KIF6: variants seen among roughly 807,000 people sequenced by gnomAD.
The protein encoded by KIF6 is kinesin-like protein KIF6.
Under a neutral mutation model 112.7 loss-of-function variants are expected in KIF6, and 106 were observed. That is an observed-to-expected ratio of 0.94 (90% confidence interval 0.80 to 1.11). The LOEUF (loss-of-function observed/expected upper bound fraction) is 1.11. Ranked by LOEUF, KIF6 falls within the 50% of genes least tolerant of loss-of-function variation. The pLI is 0.00. For synonymous variants in KIF6, 339 were observed against 339.9 expected (o/e 1.00, Z 0.03); for missense variants, 929 against 964.0 (o/e 0.96, Z 0.48).
rs1763817781 is a variant in KIF6 at position 39,346,488 on chromosome 6, C to T, written c.2219G>A (p.Arg740Lys). 1 of 715,618 alleles carries T rather than the reference C, an allele frequency of 1.4e-6. No individual in the cohort carries two copies. The highest frequency in any genetic ancestry group is 1.7e-5 in the African/African-American group (1 of 57,184). The allele number at this position is 715,618 out of a possible 1,614,324, so 44.3% of individuals were successfully genotyped here. Residue 740 changes from arginine to lysine, a missense_variant, in exon 20 of 23, where the codon AGA becomes AAA. By Grantham distance (26) the Arg-to-Lys change is conservative. Transcript: ENST00000287152. Reference protein sequence around the residue: ...GWEVQDQGTGRFDVCDVNARK... With the variant: ...GWEVQDQGTGKFDVCDVNARK... The stretch of plus-strand genomic sequence containing the variant: ...AGGGGGTCCTCACCAGACATCGAAT[C>T]TGCCAGTGCCTTGATCTTGGACTTC...
At chr6:39,344,472 G>A (rs578077899) in intron 21 of KIF6, among the ~76,000 whole-genome samples, 5 of 152,226 alleles carry the variant, frequency 3.3e-5, no homozygotes, top group Non-Finnish European at 7.4e-5. Flanking sequence ...ATGACCCCGG[G>A]TCAGGGGCTC....
At chr6:39,542,176 T>C (rs1778823937) in intron 12 of KIF6, among the ~76,000 whole-genome samples, 1 of 152,158 alleles carries the variant, frequency 6.6e-6, no homozygotes, top group Non-Finnish European at 1.5e-5. Flanking sequence ...AAGACTTTAA[T>C]GAGAATAATG....
At chr6:39,474,911 T>C (rs747952882) in intron 13 of KIF6, among the ~76,000 whole-genome samples, 5 of 152,276 alleles carry the variant, frequency 3.3e-5, no homozygotes, top group African/African-American at 4.8e-5. Flanking sequence ...CATTTATTCC[T>C]GTATGGATTT....
chr6:39,534,317 A>G (rs967291633), intron 13 of KIF6, among the ~76,000 whole-genome samples: 1 of 152,222 alleles, frequency 6.6e-6, no homozygotes, highest in Non-Finnish European at 1.5e-5. Context: ...ACTTTGAAAA[A>G]AATTTAGAAG....
intron 13 of KIF6, among the ~76,000 whole-genome samples, chr6:39,480,568 T>C (rs528643747): frequency 6.6e-6 from 1 of 152,316 alleles, no homozygotes; most frequent in Admixed American, 6.5e-5. Context: ...GATGCTGGCT[T>C]CACAGAATGA....
intron 10 of KIF6, among the ~76,000 whole-genome samples, chr6:39,564,683 G>A (rs1329644268): frequency 1.3e-5 from 2 of 152,304 alleles, no homozygotes; most frequent in Middle Eastern, 3.4e-3. Context: ...TTTTATCTTG[G>A]TGTGCTTTTG....
At chr6:39,724,452 C>CAAAAA (rs33912709) in intron 1 of KIF6, among the ~76,000 whole-genome samples, 2 of 90,540 alleles carry the variant, frequency 2.2e-5, no homozygotes, top group African/African-American at 4.0e-5. Context: ...GACTCCGTCT[C>CAAAAA]AAAAAAAAAA....
intron 13 of KIF6, among the ~76,000 whole-genome samples, chr6:39,515,768 G>C (rs1427433757): frequency 6.6e-6 from 1 of 152,128 alleles, no homozygotes; most frequent in Non-Finnish European, 1.5e-5. Flanking sequence ...ATACTCAGCA[G>C]AACAGAGGAA....
chr6:39,646,879 G>A (rs1785196533), intron 3 of KIF6, among the ~76,000 whole-genome samples: 1 of 152,034 alleles, frequency 6.6e-6, no homozygotes, highest in African/African-American at 2.4e-5. Flanking sequence ...GTGAAACTCA[G>A]TTATTTTGAA....
intron 3 of KIF6, among the ~76,000 whole-genome samples, chr6:39,693,074 C>T (rs542209251): frequency 2.0e-5 from 3 of 152,290 alleles, no homozygotes; most frequent in East Asian, 1.9e-4. Context: ...CGTACAGCTG[C>T]GCTGCCCAGA....
intron 10 of KIF6, among the ~76,000 whole-genome samples, chr6:39,564,540 A>G (rs1168536007): frequency 2.6e-5 from 4 of 152,196 alleles, no homozygotes; most frequent in South Asian, 2.1e-4. Flanking sequence ...CTTTTTGCCT[A>G]TAAGGATATA....
At chr6:39,568,127 A>C (rs1780414428) in intron 10 of KIF6, among the ~76,000 whole-genome samples, 1 of 152,228 alleles carries the variant, frequency 6.6e-6, no homozygotes, top group Non-Finnish European at 1.5e-5. Flanking sequence ...CAACTCAGAC[A>C]ACGTCCTGGT....
intron 9 of KIF6, among the ~76,000 whole-genome samples, chr6:39,581,193 G>C (rs1462544415): frequency 2.0e-5 from 2 of 97,914 alleles, no homozygotes; most frequent in African/African-American, 3.8e-5. Flanking sequence ...TTGACACAGA[G>C]TTTTGCTCTT....
intron 15 of KIF6, among the ~76,000 whole-genome samples, chr6:39,390,868 T>A (rs1330505353): frequency 1.3e-5 from 2 of 152,196 alleles, no homozygotes; most frequent in Non-Finnish European, 2.9e-5. Context: ...AGGATCATGA[T>A]AACCAAAAGG....
Position 39,596,195 on chromosome 6 carries a change from T to A in KIF6, c.705A>T (p.Glu235Asp), listed in dbSNP as rs765757861. 9 of 1,613,952 alleles carry A rather than the reference T, an allele frequency of 5.6e-6. No homozygotes were observed. Among genetic ancestry groups the A allele is most frequent in the Non-Finnish European group, 6.8e-6 (8 of 1,179,984 alleles). Residue 235 changes from glutamate (E) to aspartate (D), a missense_variant, in exon 7 of 23, where the codon GAA (glutamate) becomes GAT (aspartate). Glu to Asp is a conservative substitution (Grantham distance 45). Transcript: ENST00000287152. ...CIFTIHLSSK[E>D]PGSATVRHAK... ...CATGTCGTACAGTTGCAGATCCTGG[T>A]TCCTTGCTTGACAAATGAATGGTGA... is the stretch of plus-strand genomic sequence containing the variant.
rs557464189 is a variant in KIF6 at position 39,468,140 on chromosome 6, T to C, written c.1646-36979A>G. On this transcript the variant is annotated intron_variant, in intron 13 of 22. Coordinates refer to ENST00000287152, the MANE Select transcript of KIF6 (RefSeq NM_145027.6). ...ACAGAAGAATTAGTGAACCTGAAGA[T>C]AGATCATTAGAGATTACATACTCTG... 1.8e-4 allele frequency among the ~76,000 whole-genome samples: 27 copies of C among 151,084 alleles called. 1 individual carries two copies. The South Asian group carries it at 3.1e-3, about 18-fold the overall frequency.
intron 3 of KIF6, among the ~76,000 whole-genome samples, chr6:39,661,556 G>A (rs1329073493): frequency 3.3e-5 from 5 of 151,974 alleles, no homozygotes; most frequent in Non-Finnish European, 5.9e-5. Flanking sequence ...CCCCAAGAAT[G>A]TAAGCATCCC....
chr6:39,501,788 G>T (rs143954339), intron 13 of KIF6, among the ~76,000 whole-genome samples: 15 of 152,282 alleles, frequency 9.9e-5, no homozygotes, highest in African/African-American at 3.6e-4. Context: ...GAGAAAAAAA[G>T]AATTAAAAGG....
chr6:39,644,065 A>C (rs1470599360), intron 3 of KIF6, among the ~76,000 whole-genome samples: 1 of 152,150 alleles, frequency 6.6e-6, no homozygotes, highest in Admixed American at 6.6e-5. Flanking sequence ...ATGGCCAATA[A>C]CATATAAAAA....
Sources: gnomAD v4.1 joint callset for allele counts (sites outside exome capture counted in the v4.1 genomes callset) on GRCh38, gnomAD v4.1.1 for gene constraint, MANE v1.5 for transcripts, NCBI Gene and HGNC (gene_info 2026-07-23, HGNC 2026-07-21) for gene names.